The following ITGA1 variants were observed in gnomAD, a reference collection of about 807,000 sequenced individuals.
ITGA1 encodes the protein integrin subunit alpha 1.
Under a neutral mutation model 145.9 loss-of-function variants are expected in ITGA1, and 85 were observed. The ratio of observed to expected loss-of-function variants is 0.58; its 90% CI spans 0.49 to 0.70. The LOEUF (loss-of-function observed/expected upper bound fraction) is 0.70. ITGA1 is among the 30% of genes least tolerant of loss of function. The pLI is 0.00. For synonymous variants in ITGA1, 520 were observed against 495.3 expected (o/e 1.05, Z -0.66); for missense variants, 1,351 against 1,418.7 (o/e 0.95, Z 0.77).
intron 3 of ITGA1, among the ~76,000 whole-genome samples, chr5:52,862,729 A>C (rs1749625802): frequency 6.6e-6 from 1 of 152,216 alleles, no homozygotes; most frequent in Non-Finnish European, 1.5e-5. Context: ...CATAAATAGT[A>C]GGAATGTGAC....
chr5:52,844,336 C>T (rs1277840315), intron 1 of ITGA1, among the ~76,000 whole-genome samples: 1 of 152,176 alleles, frequency 6.6e-6, no homozygotes. Flanking sequence ...AAAGTCTTCT[C>T]CCCAAATTTG....
At chr5:52,934,663 G>A (rs1443331337) in intron 23 of ITGA1, among the ~76,000 whole-genome samples, 1 of 151,710 alleles carries the variant, frequency 6.6e-6, no homozygotes, top group African/African-American at 2.4e-5. Context: ...TACTGACACA[G>A]ACTCAAGTTA....
intron 15 of ITGA1, among the ~76,000 whole-genome samples, chr5:52,915,974 T>A (rs569622245): frequency 6.6e-6 from 1 of 152,274 alleles, no homozygotes; most frequent in South Asian, 2.1e-4. Context: ...ACCTGATACA[T>A]AGAAACAGAT....
intron 6 of ITGA1, among the ~76,000 whole-genome samples, chr5:52,881,663 G>A (rs1311005167): frequency 1.3e-5 from 2 of 152,220 alleles, no homozygotes; most frequent in Non-Finnish European, 2.9e-5. Flanking sequence ...CGTTTGAGAA[G>A]TTTAGTAACA....
intron 6 of ITGA1, among the ~76,000 whole-genome samples, chr5:52,872,285 C>G (rs1021314835): frequency 6.6e-6 from 1 of 151,990 alleles, no homozygotes; most frequent in East Asian, 1.9e-4. Flanking sequence ...GCAGCCATAC[C>G]TTTGTCAGTC....
chr5:52,853,486 C>T (rs1029353506), intron 2 of ITGA1, among the ~76,000 whole-genome samples: 1 of 152,142 alleles, frequency 6.6e-6, no homozygotes. Flanking sequence ...TTCATAAACT[C>T]ATATTTAAAA....
intron 1 of ITGA1, among the ~76,000 whole-genome samples, chr5:52,838,167 A>G (rs1749189896): frequency 6.6e-6 from 1 of 152,206 alleles, no homozygotes; most frequent in Admixed American, 6.5e-5. Context: ...GAATGATATA[A>G]TGGAAAATTG....
At chr5:52,800,279 C>T in intron 1 of ITGA1, 1 of 1,080,422 alleles carries the variant, frequency 9.3e-7, no homozygotes, top group South Asian at 1.5e-5. Context: ...CAGGCAAGTG[C>T]CCTTAGAAAC....
intron 12 of ITGA1, among the ~76,000 whole-genome samples, chr5:52,907,870 T>TA (rs911412646): frequency 2.0e-5 from 3 of 152,206 alleles, no homozygotes; most frequent in African/African-American, 7.2e-5. Flanking sequence ...ATTCAACTTT[T>TA]AAAAAAACCT....
intron 1 of ITGA1, chr5:52,801,059 T>A: frequency 6.2e-7 from 1 of 1,613,382 alleles, no homozygotes; most frequent in Non-Finnish European, 8.5e-7. Context: ...GACTACCTGT[T>A]TCAACAAGCA....
chr5:52,887,672 C>A, intron 7 of ITGA1, 143 bp from the exon 8 acceptor site: 1 of 663,808 alleles, frequency 1.5e-6, no homozygotes, highest in Non-Finnish European at 2.4e-6. Context: ...TTATGCCTCC[C>A]AACTTGAATG....
rs113468079 is a variant in ITGA1 at position 52,912,960 on chromosome 5, A to G, written c.1858-2504A>G. Among the ~76,000 whole-genome samples the G allele has an allele frequency of 4.9e-3, 746 of 151,906 alleles. 4 individuals are homozygous for G. The highest frequency in any genetic ancestry group is 0.017 in the African/African-American group (713 of 41,434). On this transcript the variant is annotated intron_variant, in intron 14 of 28. Coordinates refer to ENST00000282588, the MANE Select transcript of ITGA1 (RefSeq NM_181501.2). ...ACGGGGTTTCACCGTGTTAGCCAGGATGGTTTTGATCTCCTGACTTCGTGA... is the reference window on the plus strand; with the variant it reads ...ACGGGGTTTCACCGTGTTAGCCAGGGTGGTTTTGATCTCCTGACTTCGTGA...
At chr5:52,815,498 G>A (rs373568813) in intron 1 of ITGA1, among the ~76,000 whole-genome samples, 2 of 152,180 alleles carry the variant, frequency 1.3e-5, no homozygotes, top group Non-Finnish European at 2.9e-5. Context: ...TGACTGGCTT[G>A]GGCAGGAGAG....
intron 3 of ITGA1, among the ~76,000 whole-genome samples, chr5:52,862,016 G>A (rs1054834720): frequency 8.6e-5 from 13 of 151,806 alleles, no homozygotes; most frequent in Middle Eastern, 3.2e-3. Context: ...TCGGGAGTTC[G>A]AGACCAGCCT....
chr5:52,888,014 G>A (rs1750082207), intron 8 of ITGA1, 49 bp downstream of exon 8: 3 of 1,557,998 alleles, frequency 1.9e-6, no homozygotes, highest in Non-Finnish European at 2.6e-6. Context: ...GTAGAGAAGA[G>A]CTGTGTGCAT....
At chr5:52,939,301 A>G (rs1289308289) in intron 24 of ITGA1, among the ~76,000 whole-genome samples, 1 of 151,220 alleles carries the variant, frequency 6.6e-6, no homozygotes, top group Non-Finnish European at 1.5e-5. Flanking sequence ...TGAATGTATT[A>G]ATCACGTAAT....
intron 11 of ITGA1, among the ~76,000 whole-genome samples, chr5:52,899,803 G>C (rs570379764): frequency 6.6e-6 from 1 of 152,164 alleles, no homozygotes; most frequent in Admixed American, 6.6e-5. Flanking sequence ...AGCATTAAAA[G>C]AGATCCTATG....
At chr5:52,900,390 C>T (rs1432036578) in intron 11 of ITGA1, among the ~76,000 whole-genome samples, 2 of 151,982 alleles carry the variant, frequency 1.3e-5, no homozygotes, top group Non-Finnish European at 2.9e-5. Flanking sequence ...AATGTTCGTA[C>T]CACATTTATA....
At chr5:52,800,614 T>C in intron 1 of ITGA1, 1 of 1,613,914 alleles carries the variant, frequency 6.2e-7, no homozygotes, top group Non-Finnish European at 8.5e-7. Flanking sequence ...GGCCATCGAC[T>C]TCGACTCTCA....
Sources: gnomAD v4.1 joint callset for allele counts (sites outside exome capture counted in the v4.1 genomes callset) on GRCh38, gnomAD v4.1.1 for gene constraint, MANE v1.5 for transcripts, NCBI Gene and HGNC (gene_info 2026-07-23, HGNC 2026-07-21) for gene names.